The following GLG1 variants were observed in gnomAD, a reference collection of about 807,000 sequenced individuals.
GLG1 encodes the protein golgi glycoprotein 1.
In GLG1, 38 loss-of-function variants were observed where a neutral mutation model predicts 160.5. The ratio of observed to expected loss-of-function variants is 0.24; its 90% CI spans 0.18 to 0.31. The LOEUF (loss-of-function observed/expected upper bound fraction) is 0.31. Ranked by LOEUF, GLG1 falls within the 10% of genes least tolerant of loss-of-function variation. The pLI is 1.00. For missense variants in GLG1, 1,373 were observed against 1,505.2 expected, an observed-to-expected ratio of 0.91 and a Z score of 1.45; for synonymous variants, 644 against 543.4, an observed-to-expected ratio of 1.19 and a Z score of -2.57.
chr16:74,502,944 C>T (rs958099431), intron 4 of GLG1, among the ~76,000 whole-genome samples: 12 of 151,380 alleles, frequency 7.9e-5, no homozygotes, highest in African/African-American at 2.9e-4. Context: ...CGGTGGCTCA[C>T]GTCTGTAATC....
At chr16:74,577,470 A>C (rs916877391) in intron 1 of GLG1, among the ~76,000 whole-genome samples, 1 of 150,296 alleles carries the variant, frequency 6.7e-6, no homozygotes, top group Non-Finnish European at 1.5e-5. Flanking sequence ...TGCAGTGAAC[A>C]GCAATGGCAC....
chr16:74,552,367 G>A, intron 1 of GLG1: 2 of 587,790 alleles, frequency 3.4e-6, no homozygotes, highest in Non-Finnish European at 6.6e-6. Flanking sequence ...CAGAAGACAA[G>A]AATGTGCCCA....
At chr16:74,516,889 G>A (rs942221872) in intron 2 of GLG1, among the ~76,000 whole-genome samples, 2 of 152,126 alleles carry the variant, frequency 1.3e-5, no homozygotes, top group African/African-American at 4.8e-5. Flanking sequence ...CGATCCCACA[G>A]AAATACAAAC....
intron 13 of GLG1, among the ~76,000 whole-genome samples, chr16:74,473,886 G>A (rs771702358): frequency 4.6e-4 from 70 of 152,256 alleles, no homozygotes; most frequent in East Asian, 2.9e-3. Flanking sequence ...CTAAAAGAGC[G>A]AGGGATGAGA....
At chr16:74,557,407 G>A (rs1240990483) in intron 1 of GLG1, among the ~76,000 whole-genome samples, 1 of 152,120 alleles carries the variant, frequency 6.6e-6, no homozygotes, top group African/African-American at 2.4e-5. Context: ...TCTGGGGAGA[G>A]GCAAGAAGCT....
intron 1 of GLG1, among the ~76,000 whole-genome samples, chr16:74,586,901 C>T (rs868574680): frequency 5.3e-5 from 8 of 152,016 alleles, no homozygotes; most frequent in Non-Finnish European, 8.8e-5. Context: ...TCACCATGTT[C>T]GTCAGTCTGG....
intron 8 of GLG1, among the ~76,000 whole-genome samples, chr16:74,488,573 G>A (rs958936268): frequency 4.0e-5 from 6 of 151,768 alleles, no homozygotes; most frequent in South Asian, 2.1e-4. Flanking sequence ...AAAATAAAGC[G>A]CTTCTTCCCT....
intron 1 of GLG1, among the ~76,000 whole-genome samples, chr16:74,601,423 TAA>T (rs76858663): frequency 8.5e-5 from 12 of 140,934 alleles, no homozygotes; most frequent in Admixed American, 1.4e-4. Flanking sequence ...CTCTTAAAAT[TAA>T]AAAAAAAAAA....
intron 16 of GLG1, 93 bp downstream of exon 16, chr16:74,469,892 G>C: frequency 1.2e-6 from 1 of 830,204 alleles, no homozygotes. Flanking sequence ...AACCCCACGA[G>C]GCAGCAGGAG....
intron 1 of GLG1, among the ~76,000 whole-genome samples, chr16:74,535,178 G>A (rs2017654403): frequency 6.6e-6 from 1 of 152,030 alleles, no homozygotes; most frequent in African/African-American, 2.4e-5. Flanking sequence ...TGTCTGTTAT[G>A]AAGAAAAAAT....
chr16:74,507,059 C>T (rs1477697093), intron 3 of GLG1, among the ~76,000 whole-genome samples: 2 of 152,036 alleles, frequency 1.3e-5, no homozygotes, highest in Non-Finnish European at 2.9e-5. Flanking sequence ...TGTTTTTCTC[C>T]CTGGAAGTAG....
rs779899287 is a variant in GLG1 at position 74,468,763 on chromosome 16, T to A, written c.2436+183A>T. On this transcript the variant is annotated intron_variant, in intron 17 of 25. Coordinates refer to ENST00000422840, the MANE Select transcript of GLG1 (RefSeq NM_001145667.2). Reference sequence around the variant, plus strand: ...GTTACATGTGGGAAGAAAGGTTTTATCATTCAAAATCAAAAGAATGACACA... The same window carrying A: ...GTTACATGTGGGAAGAAAGGTTTTAACATTCAAAATCAAAAGAATGACACA... 3 of 593,096 alleles carry A rather than the reference T, an allele frequency of 5.1e-6. No homozygotes were observed. The African/African-American group carries it at 5.6e-5, about 11-fold the overall frequency. The allele number at this position is 593,096 out of a possible 1,614,324, so 36.7% of individuals were successfully genotyped here.
rs150214558 is a variant in GLG1, at chr16:74,525,143, GCTCT to G, written c.471+6974_471+6977del. Among the ~76,000 whole-genome samples, 56 of 152,162 alleles carry G rather than the reference GCTCT, an allele frequency of 3.7e-4. No homozygotes were observed. In the East Asian group the frequency reaches 8.5e-3, roughly 23 times the overall value. The stretch of plus-strand genomic sequence containing the variant: ...CACATTTTTGTGTGAAAATGTGTCA[GCTCT>G]CTTGGGTATACATCTAGCAGGGGAA... On this transcript the variant is annotated intron_variant, in intron 2 of 25. Transcript: ENST00000422840.
At chr16:74,480,445 C>T (rs763820375) in intron 10 of GLG1, 51 bp from the exon 11 acceptor site, 1 of 1,376,252 alleles carries the variant, frequency 7.3e-7, no homozygotes, top group Admixed American at 2.0e-5. Flanking sequence ...ACATTTCCTT[C>T]TAACACAGGC....
In GLG1 at chr16:74,601,424, A is replaced by T. The variant is rs975193280; in HGVS notation, c.438+5233T>A. Among the ~76,000 whole-genome samples, 10 of 133,556 alleles carry T rather than the reference A, an allele frequency of 7.5e-5. No individual in the cohort carries two copies. The South Asian group carries it at 1.2e-3, about 16-fold the overall frequency. 87.6% of individuals were successfully genotyped at this position (133,556 alleles called of 152,430 possible). ...GCAAGACCTTGTCTCTCTTAAAATT[A>T]AAAAAAAAAAAAAGTATACCCCAAC... On this transcript the variant is annotated intron_variant, in intron 1 of 25. Transcript: ENST00000422840.
At position 74,451,925 on chromosome 16, in the gene GLG1, G is replaced by A. The variant is rs1424243284; in HGVS notation, c.*1242C>T. On this transcript the variant is annotated 3_prime_UTR_variant, in exon 26 of 26. Transcript: ENST00000422840. ...CCAATGCCTACTAGAGTGGGTACAC[G>A]CAGCAAATGGACAGAAAGAAAAAAA... 32 of 702,940 alleles carry A rather than the reference G, an allele frequency of 4.6e-5. No homozygotes were observed. Among genetic ancestry groups the A allele is most frequent in the Non-Finnish European group, 7.3e-5 (29 of 395,170 alleles). 43.5% of individuals were successfully genotyped at this position (702,940 alleles called of 1,614,324 possible). A position where few individuals can be genotyped will look rare whatever the true frequency, so the allele number is the denominator to read the frequency against.
chr16:74,562,478 T>A (rs1157772064), intron 1 of GLG1, among the ~76,000 whole-genome samples: 1 of 152,200 alleles, frequency 6.6e-6, no homozygotes, highest in East Asian at 1.9e-4. Flanking sequence ...TTTTATTTTC[T>A]GTAGATGGTC....
At chr16:74,597,487 T>C (rs1567548696) in intron 1 of GLG1, among the ~76,000 whole-genome samples, 1 of 147,816 alleles carries the variant, frequency 6.8e-6, no homozygotes, top group Non-Finnish European at 1.5e-5. Flanking sequence ...TAGATGGTGG[T>C]GCAAGCAGAT....
At position 74,564,681 on chromosome 16, in the gene GLG1, C is replaced by T. The variant is rs1175210962; in HGVS notation, c.439-32528G>A. ...CCAAGTGAGAACCTGACCAAAAAGG[C>T]GAAGCTGTTAAACAAAATTGTGAGA... On this transcript the variant is annotated intron_variant, in intron 1 of 25. Coordinates refer to ENST00000422840, the MANE Select transcript of GLG1 (RefSeq NM_001145667.2). 3.3e-5 allele frequency among the ~76,000 whole-genome samples: 5 copies of T among 152,256 alleles called. No individual in the cohort carries two copies. In the South Asian group the frequency reaches 6.2e-4, roughly 19 times the overall value.
Sources: gnomAD v4.1 joint callset for allele counts (sites outside exome capture counted in the v4.1 genomes callset) on GRCh38, gnomAD v4.1.1 for gene constraint, MANE v1.5 for transcripts, NCBI Gene and HGNC (gene_info 2026-07-23, HGNC 2026-07-21) for gene names.